SH3BP1: variants seen among roughly 807,000 people sequenced by gnomAD.
SH3BP1 encodes SH3 domain binding protein 1.
In SH3BP1, 46 loss-of-function variants were observed where a neutral mutation model predicts 69.8. The observed-to-expected ratio is 0.66, with a 90% confidence interval of 0.52 to 0.84. SH3BP1 has a LOEUF of 0.84. SH3BP1 is among the 40% of genes least tolerant of loss of function. SH3BP1 has a pLI of 0.00. For synonymous variants in SH3BP1, 403 were observed against 378.0 expected, an observed-to-expected ratio of 1.07 and a Z score of -0.77; for missense variants, 868 against 930.9, an observed-to-expected ratio of 0.93 and a Z score of 0.88.
In SH3BP1 at chr22:37,653,868, G is replaced by A. The variant is rs1040934535; in HGVS notation, c.1688G>A (p.Arg563Gln). 19 of 1,610,718 alleles carry A rather than the reference G, an allele frequency of 1.2e-5. No individual in the cohort carries two copies. Among genetic ancestry groups the A allele is most frequent in the Middle Eastern group, 1.7e-4 (1 of 5,904 alleles). Residue 563 changes from arginine to glutamine, a missense_variant, in exon 17 of 18, where the codon CGG (arginine) becomes CAG (glutamine). Around this residue, in one of 3 missense-constraint regions of SH3BP1, gnomAD observed 474 missense variants for 462.3 expected, o/e 1.03. Transcript: ENST00000649765. ...GCTGCCCCAGTGGAGGACATGGCTC[G>A]GAGGAGTGAGTTGGCTGTGGGAGGG... ...ETAAPVEDMARRTKRPAPARP... is the reference protein window; with the variant it reads ...ETAAPVEDMAQRTKRPAPARP...
chr22:37,654,930 C>T (rs939743142), intron 17 of SH3BP1, among the ~76,000 whole-genome samples: 2 of 152,072 alleles, frequency 1.3e-5, no homozygotes, highest in Non-Finnish European at 2.9e-5. Flanking sequence ...GACAACACAG[C>T]GAGACCCTGT....
rs1225562781 is a variant in SH3BP1, at chr22:37,641,425, C to T, written c.154C>T (p.Arg52Trp). The change falls in exon 3 of 18, where the codon CGG becomes TGG. Residue 52 changes from arginine (R) to tryptophan (W), a missense_variant. Around this residue, in one of 3 missense-constraint regions of SH3BP1, gnomAD observed 387 missense variants for 447.9 expected, o/e 0.86. Coordinates refer to ENST00000649765, the MANE Select transcript of SH3BP1 (RefSeq NM_018957.6). Reference sequence around the variant, plus strand: ...GCGGGCAGCCCACAACATCCACAAGCGGCTGCAGGCCTGTCTGCAGGGCCA... The same window carrying T: ...GCGGGCAGCCCACAACATCCACAAGTGGCTGCAGGCCTGTCTGCAGGGCCA... ...AKRAAHNIHK[R>W]LQACLQGQSG... The T allele has an allele frequency of 2.2e-5, 34 of 1,551,006 alleles. No homozygotes were observed. Among genetic ancestry groups the T allele is most frequent in the African/African-American group, 4.1e-5 (3 of 73,086 alleles).
chr22:37,655,490 TCAC>T lies in SH3BP1; in HGVS notation c.1915_1917del (p.Pro639del). ...GCCTGCCCGGCGCCAAAGCCGGCGT[TCAC>T]CAGCCTCCCCCAGCCCGGCCTCCCC... On this transcript the variant is annotated inframe_deletion, in exon 18 of 18. Coordinates refer to ENST00000649765, the MANE Select transcript of SH3BP1 (RefSeq NM_018957.6). 6.1e-6 allele frequency: 8 copies of T among 1,312,258 alleles called. No individual in the cohort carries two copies. Among genetic ancestry groups the T allele is most frequent in the Non-Finnish European group, 8.0e-6 (8 of 998,520 alleles). The allele number at this position is 1,312,258 out of a possible 1,614,324, so 81.3% of individuals were successfully genotyped here. A position where few individuals can be genotyped will look rare whatever the true frequency, so the allele number is the denominator to read the frequency against.
chr22:37,651,288 C>A (rs1320562993), intron 16 of SH3BP1, among the ~76,000 whole-genome samples: 1 of 150,700 alleles, frequency 6.6e-6, no homozygotes, highest in Non-Finnish European at 1.5e-5. Context: ...CCCACCTTGG[C>A]CCCTGAAAGT....
intron 6 of SH3BP1, 68 bp from the exon 7 acceptor site, chr22:37,643,576 T>C: frequency 6.2e-7 from 1 of 1,600,372 alleles, no homozygotes; most frequent in Non-Finnish European, 8.6e-7. Context: ...GTCTGCTGTA[T>C]GGAGGGGACA....
In SH3BP1 at chr22:37,641,098, T is replaced by TCCCCCCCCCCC. The variant is rs751968178; in HGVS notation, c.60-25_60-15dup. 4 of 947,990 alleles carry TCCCCCCCCCCC rather than the reference T, an allele frequency of 4.2e-6. No individual in the cohort carries two copies. In the African/African-American group the frequency reaches 6.3e-5, roughly 15 times the overall value. 58.7% of individuals were successfully genotyped at this position (947,990 alleles called of 1,614,324 possible). Reference sequence around the variant, plus strand: ...CCAGGCAGGCTCAGCAGAAGCACTCTCCCCCCCCCCCCCACCACTCCCCGC... The same window carrying TCCCCCCCCCCC: ...CCAGGCAGGCTCAGCAGAAGCACTCTCCCCCCCCCCCCCCCCCCCCCCCCACCACTCCCCGC... On this transcript the variant is annotated intron_variant, in intron 1 of 17. Coordinates refer to ENST00000649765, the MANE Select transcript of SH3BP1 (RefSeq NM_018957.6).
chr22:37,641,186 G>A lies in SH3BP1; in HGVS notation c.102+18G>A, dbSNP rs1241787985. 6.5e-7 allele frequency: 1 copy of A among 1,549,900 alleles called. No homozygotes were observed. The highest frequency in any genetic ancestry group is 8.7e-7 in the Non-Finnish European group (1 of 1,146,668). On this transcript the variant is annotated intron_variant, in intron 2 of 17. Transcript: ENST00000649765. Reference sequence around the variant, plus strand: ...TGCTGCAGGTACGTGCCTGGGCCGGGCAGGTGGGAAGGCAGGCCTGTGCAG... The same window carrying A: ...TGCTGCAGGTACGTGCCTGGGCCGGACAGGTGGGAAGGCAGGCCTGTGCAG...
At position 37,646,869 on chromosome 22, in the gene SH3BP1, A is replaced by G. The variant is rs377702957; in HGVS notation, c.976A>G (p.Thr326Ala). The G allele has an allele frequency of 5.7e-6, 9 of 1,566,606 alleles. No individual in the cohort carries two copies. In the African/African-American group the frequency reaches 1.2e-4, roughly 21 times the overall value. Residue 326 changes from threonine (T) to alanine (A), a missense_variant, in exon 11 of 18, where the codon ACA becomes GCA. Coordinates refer to ENST00000649765, the MANE Select transcript of SH3BP1 (RefSeq NM_018957.6). The part of the protein sequence containing the change: ...GASVLKRLKQ[T>A]MASDPHSLEE... ...CTCGGTGCTGAAGCGTCTCAAGCAG[A>G]CAATGGCCTCGGACCCCCACAGCCT...
At chr22:37,639,926 T>TGGGGGAAGCGGGGGGG in intron 1 of SH3BP1, 80 bp downstream of exon 1, 1 of 496,956 alleles carries the variant, frequency 2.0e-6, no homozygotes, top group Non-Finnish European at 3.6e-6. Context: ...GAGACGGGGG[T>TGGGGGAAGCGGGGGGG]GGGGGAGGCT....
rs765319549 is a variant in SH3BP1, at chr22:37,655,577, G to A, written c.1999G>A (p.Ala667Thr). The A allele has an allele frequency of 5.7e-6, 9 of 1,586,918 alleles. No homozygotes were observed. The highest frequency in any genetic ancestry group is 2.3e-5 in the East Asian group (1 of 43,700). The change falls in exon 18 of 18, where the codon GCT becomes ACT. Residue 667 changes from alanine (A) to threonine (T), a missense_variant. Coordinates refer to ENST00000649765, the MANE Select transcript of SH3BP1 (RefSeq NM_018957.6). ...TAACCCTGCACAGGTGGACCTGGGG[G>A]CTGCCACAGCAGAGGGAGGAGCCCC... The part of the protein sequence containing the change: ...LSNPAQVDLG[A>T]ATAEGGAPEA...
rs533715156 is a variant in SH3BP1 at position 37,646,123 on chromosome 22, C to T, written c.924+613C>T. On this transcript the variant is annotated intron_variant, in intron 10 of 17. Coordinates refer to ENST00000649765, the MANE Select transcript of SH3BP1 (RefSeq NM_018957.6). ...CTGGGACTACAGGCATGCACCACCA[C>T]GCCCAGCTAATTTTTGTATTTTTTA... Among the ~76,000 whole-genome samples, 16 of 151,876 alleles carry T rather than the reference C, an allele frequency of 1.1e-4. No individual in the cohort carries two copies. In the East Asian group the frequency reaches 2.3e-3, roughly 22 times the overall value.
intron 2 of SH3BP1, 23 bp downstream of exon 2, chr22:37,641,191 T>C (rs1445275329): frequency 7.1e-7 from 1 of 1,412,690 alleles, no homozygotes; most frequent in Admixed American, 2.2e-5. Context: ...GCCGGGCAGG[T>C]GGGAAGGCAG....
chr22:37,650,472 C>T (rs533512693), intron 15 of SH3BP1, 70 bp from the exon 16 acceptor site: 19 of 1,540,268 alleles, frequency 1.2e-5, no homozygotes, highest in East Asian at 6.8e-5. Context: ...GAAGGGGAAA[C>T]GGTCCCGGCC....
chr22:37,642,726 G>A, intron 4 of SH3BP1, 111 bp downstream of exon 4: 1 of 1,605,716 alleles, frequency 6.2e-7, no homozygotes, highest in African/African-American at 1.3e-5. Context: ...CCAGGCTGGG[G>A]ACAGTTCCCA....
chr22:37,647,985 A>G (rs962570926), intron 13 of SH3BP1, among the ~76,000 whole-genome samples: 2 of 152,240 alleles, frequency 1.3e-5, no homozygotes, highest in African/African-American at 4.8e-5. Context: ...CGGATTAGTC[A>G]CACATTTTTA....
chr22:37,650,204 G>A lies in SH3BP1; in HGVS notation c.1369G>A (p.Val457Ile), dbSNP rs756606271. ...CGTGTCTTCCATCCAGGTGGTGGGC[G>A]TCGTCGAGGCGCTGATCCAGAGCGC... is the stretch of plus-strand genomic sequence containing the variant. ...ASVSSIQVVG[V>I]VEALIQSADT... The change falls in exon 15 of 18, where the codon GTC becomes ATC. Residue 457 changes from valine to isoleucine, a missense_variant. Transcript: ENST00000649765. The A allele has an allele frequency of 1.2e-5, 20 of 1,613,858 alleles. No individual in the cohort carries two copies. The highest frequency in any genetic ancestry group is 9.9e-5 in the South Asian group (9 of 91,034).
Position 37,650,655 on chromosome 22 carries a change from A to ACCCCGG in SH3BP1, c.1530_1535dup (p.Pro523_Ala524dup). 4 of 1,613,128 alleles carry ACCCCGG rather than the reference A, an allele frequency of 2.5e-6. No homozygotes were observed. The highest frequency in any genetic ancestry group is 3.4e-6 in the Non-Finnish European group (4 of 1,179,662). On this transcript the variant is annotated inframe_insertion, in exon 16 of 18. Transcript: ENST00000649765. ...CACTGCCGTGCCCACCCCAGCCACCACCCCGGCTCCGGCTCCGGCTCCAGC... is the reference window on the plus strand; with the variant it reads ...CACTGCCGTGCCCACCCCAGCCACCACCCCGGCCCCGGCTCCGGCTCCGGCTCCAGC...
chr22:37,645,167 A>T, intron 9 of SH3BP1, 198 bp from the exon 10 acceptor site: 1 of 849,260 alleles, frequency 1.2e-6, no homozygotes, highest in African/African-American at 1.8e-5. Context: ...TGTGAGGCAG[A>T]AGGAGGCAAC....
intron 7 of SH3BP1, 131 bp from the exon 8 acceptor site, chr22:37,644,506 A>AG (rs759238636): frequency 1.5e-4 from 128 of 872,644 alleles, no homozygotes; most frequent in Middle Eastern, 2.8e-4. Context: ...TGGCAGAGAG[A>AG]GGAGCCTGGC....
Sources: gnomAD v4.1 joint callset for allele counts (sites outside exome capture counted in the v4.1 genomes callset) on GRCh38, gnomAD v4.1.1 for gene constraint, gnomAD v4.1.1 regional missense constraint, MANE v1.5 for transcripts, NCBI Gene and HGNC (gene_info 2026-07-23, HGNC 2026-07-21) for gene names.